SCAPER: variants seen among roughly 807,000 people sequenced by gnomAD.
SCAPER encodes S phase cyclin A-associated protein in the endoplasmic reticulum.
A neutral mutation model predicts 182.2 loss-of-function variants in SCAPER; 98 were observed. That is an observed-to-expected ratio of 0.54 (90% confidence interval 0.46 to 0.64). The LOEUF (loss-of-function observed/expected upper bound fraction) is 0.64, where lower values mean the gene tolerates loss of function less well. SCAPER is among the 30% of genes least tolerant of loss of function. SCAPER has a pLI of 0.00. For missense variants in SCAPER, 1,432 were observed against 1,690.0 expected (o/e 0.85, Z 2.68); for synonymous variants, 605 against 564.6 (o/e 1.07, Z -1.01).
chr15:76,515,622 C>G (rs1409143383), intron 23 of SCAPER, among the ~76,000 whole-genome samples: 1 of 152,156 alleles, frequency 6.6e-6, no homozygotes, highest in Non-Finnish European at 1.5e-5. Flanking sequence ...TCAGAGGTGG[C>G]AATTTCTATT....
intron 20 of SCAPER, among the ~76,000 whole-genome samples, chr15:76,677,569 A>T (rs117163894): frequency 6.6e-6 from 1 of 151,988 alleles, no homozygotes; most frequent in East Asian, 1.9e-4. Flanking sequence ...CCACACACAC[A>T]ATAAAATTTT....
chr15:76,693,694 A>G (rs2058501078), intron 20 of SCAPER, among the ~76,000 whole-genome samples: 1 of 152,190 alleles, frequency 6.6e-6, no homozygotes, highest in Admixed American at 6.5e-5. Context: ...TCTGATATAT[A>G]CAACACGAAT....
chr15:76,900,732 T>C (rs908186756), intron 1 of SCAPER, among the ~76,000 whole-genome samples: 3 of 152,034 alleles, frequency 2.0e-5, no homozygotes, highest in East Asian at 1.9e-4. Context: ...GGTACACAGG[T>C]TGTAAAAGAG....
intron 17 of SCAPER, among the ~76,000 whole-genome samples, chr15:76,722,484 A>G (rs2060309735): frequency 6.6e-6 from 1 of 152,156 alleles, no homozygotes; most frequent in Admixed American, 6.6e-5. Context: ...ATTGATTGCA[A>G]TAGTTTCAGA....
chr15:76,823,759 A>C (rs2067762831), intron 5 of SCAPER, among the ~76,000 whole-genome samples: 1 of 152,104 alleles, frequency 6.6e-6, no homozygotes, highest in Non-Finnish European at 1.5e-5. Flanking sequence ...CAAATGTAAA[A>C]ATTTAGTTGG....
At chr15:76,774,794 A>C in intron 9 of SCAPER, 61 bp downstream of exon 9, 3 of 1,488,122 alleles carry the variant, frequency 2.0e-6, no homozygotes, top group Non-Finnish European at 2.7e-6. Context: ...AAGACATTCC[A>C]GTACACATGT....
rs2040812316 is a variant in SCAPER at position 76,354,357 on chromosome 15, G to A, written c.3856-217C>T. On this transcript the variant is annotated intron_variant, in intron 29 of 31. Coordinates refer to ENST00000563290, the MANE Select transcript of SCAPER (RefSeq NM_020843.4). The surrounding 1 kb of genome is among the most constrained non-coding windows in gnomAD (Gnocchi z 4.4). ...TTAAGGAAAAGATCCTGAAAGTTTT[G>A]CACTCATTTAAAAGTTATTATAATC... 2.1e-6 allele frequency: 1 copy of A among 482,826 alleles called. No individual in the cohort carries two copies. 29.9% of individuals were successfully genotyped at this position (482,826 alleles called of 1,614,324 possible). A position where few individuals can be genotyped will look rare whatever the true frequency, so the allele number is the denominator to read the frequency against.
chr15:76,569,555 TG>T (rs1203126852), intron 23 of SCAPER, among the ~76,000 whole-genome samples: 8 of 152,120 alleles, frequency 5.3e-5, no homozygotes, highest in African/African-American at 1.7e-4. Context: ...TTACCCTGCT[TG>T]GGCATCATTG....
intron 21 of SCAPER, among the ~76,000 whole-genome samples, chr15:76,662,911 T>C (rs900192963): frequency 4.6e-5 from 7 of 152,026 alleles, no homozygotes; most frequent in African/African-American, 1.7e-4. Flanking sequence ...CAAAGATCTC[T>C]TAGACACACC....
chr15:76,766,789 T>A, intron 11 of SCAPER, 129 bp downstream of exon 11: 1 of 722,200 alleles, frequency 1.4e-6, no homozygotes. Flanking sequence ...ATAGTTATGA[T>A]TACTGAACAT....
chr15:76,696,998 A>C (rs895915242), intron 20 of SCAPER, among the ~76,000 whole-genome samples: 5 of 152,168 alleles, frequency 3.3e-5, no homozygotes, highest in African/African-American at 9.6e-5. Context: ...GCTTAAAACA[A>C]AATGTGTCAA....
At chr15:76,893,494 C>T (rs2074268612) in intron 1 of SCAPER, among the ~76,000 whole-genome samples, 1 of 151,528 alleles carries the variant, frequency 6.6e-6, no homozygotes, top group Non-Finnish European at 1.5e-5. Context: ...CCACTTTCAA[C>T]AAGGGATAGA....
intron 20 of SCAPER, among the ~76,000 whole-genome samples, chr15:76,678,052 C>T (rs2057467830): frequency 6.6e-6 from 1 of 151,920 alleles, no homozygotes; most frequent in South Asian, 2.1e-4. Context: ...TAATCTCCTT[C>T]CCATTATTTT....
intron 4 of SCAPER, among the ~76,000 whole-genome samples, chr15:76,854,166 G>A (rs1270208158): frequency 6.6e-6 from 1 of 152,058 alleles, no homozygotes; most frequent in Non-Finnish European, 1.5e-5. Flanking sequence ...CTACTCAGGA[G>A]GCTGAGGCAG....
intron 26 of SCAPER, among the ~76,000 whole-genome samples, chr15:76,424,325 A>T (rs2046266290): frequency 6.6e-6 from 1 of 152,166 alleles, no homozygotes; most frequent in Non-Finnish European, 1.5e-5. Flanking sequence ...ATATATGTTT[A>T]GGATAGTTAG....
chr15:76,413,692 C>T (rs957733127), intron 26 of SCAPER, among the ~76,000 whole-genome samples: 1 of 152,150 alleles, frequency 6.6e-6, no homozygotes, highest in African/African-American at 2.4e-5. Context: ...CTATTTTTAG[C>T]CCATTTTAAA....
At chr15:76,463,015 C>T (rs574693377) in intron 25 of SCAPER, among the ~76,000 whole-genome samples, 7 of 152,212 alleles carry the variant, frequency 4.6e-5, no homozygotes, top group African/African-American at 1.4e-4. Context: ...ATCTATAAAA[C>T]GAGTGGACTG....
chr15:76,840,014 C>T (rs757741270), intron 5 of SCAPER, among the ~76,000 whole-genome samples: 1 of 152,158 alleles, frequency 6.6e-6, no homozygotes, highest in Non-Finnish European at 1.5e-5. Flanking sequence ...AGCCCAAATG[C>T]TCAGTTTACA....
At chr15:76,688,580 C>G (rs1288132797) in intron 20 of SCAPER, among the ~76,000 whole-genome samples, 7 of 152,018 alleles carry the variant, frequency 4.6e-5, no homozygotes, top group African/African-American at 1.7e-4. Context: ...ATTTTTAAGT[C>G]TTTAATTCAT....
Sources: allele counts gnomAD v4.1 joint callset (sites outside exome capture counted in the v4.1 genomes callset), GRCh38; gene constraint gnomAD v4.1.1; non-coding constraint Gnocchi (gnomAD v3.1); transcripts MANE v1.5; gene names NCBI Gene and HGNC (gene_info 2026-07-23, HGNC 2026-07-21).